Variants in RSPH9 observed in about 807,000 individuals in gnomAD.
RSPH9 encodes radial spoke head component 9, also known as radial spoke head protein 9 homolog.
Under a neutral mutation model 27.0 loss-of-function variants are expected in RSPH9, and 27 were observed. The ratio of observed to expected loss-of-function variants is 1.00; its 90% CI spans 0.74 to 1.38. The LOEUF (loss-of-function observed/expected upper bound fraction) is 1.38, where lower values mean the gene tolerates loss of function less well. RSPH9 is among the 40% of genes most tolerant of loss of function. The probability of loss-of-function intolerance (pLI) is 0.00; values close to 1 mark genes in which losing one functional copy is unlikely to be tolerated. For synonymous variants in RSPH9, 145 were observed against 147.7 expected, an observed-to-expected ratio of 0.98 and a Z score of 0.13; for missense variants, 347 against 357.4, an observed-to-expected ratio of 0.97 and a Z score of 0.24.
At chr6:43,664,895 C>T (rs111365999) in intron 4 of RSPH9, among the ~76,000 whole-genome samples, 7 of 152,296 alleles carry the variant, frequency 4.6e-5, no homozygotes, top group African/African-American at 1.2e-4. Flanking sequence ...GAGCCTGGAA[C>T]GGCGGTGGTG....
chr6:43,662,791 C>G (rs1772765307), intron 4 of RSPH9, among the ~76,000 whole-genome samples: 1 of 152,092 alleles, frequency 6.6e-6, no homozygotes, highest in South Asian at 2.1e-4. Flanking sequence ...CAGCCTATCT[C>G]AATTTTTTTT....
intron 4 of RSPH9, among the ~76,000 whole-genome samples, chr6:43,664,734 C>T (rs558884088): frequency 2.9e-4 from 44 of 152,274 alleles, no homozygotes; most frequent in African/African-American, 9.9e-4. Context: ...GGAGGGTCTC[C>T]GGACAAGTAG....
chr6:43,647,615 G>A (rs1443788702), intron 1 of RSPH9, among the ~76,000 whole-genome samples: 2 of 152,226 alleles, frequency 1.3e-5, no homozygotes, highest in Non-Finnish European at 2.9e-5. Flanking sequence ...CTCAGTAGGA[G>A]AGAATTCAGG....
chr6:43,671,792 G>A lies in RSPH9; in HGVS notation c.*843G>A, dbSNP rs1561948016. 2 of 1,614,220 alleles carry A rather than the reference G, an allele frequency of 1.2e-6. No individual in the cohort carries two copies. Among genetic ancestry groups the A allele is most frequent in the Non-Finnish European group, 8.5e-7 (1 of 1,180,030 alleles). ...GATACAGCTTCCAAGGTGTTCTTGA[G>A]TAGCAGACATTGTCCCTCAGAAGGG... On this transcript the variant is annotated 3_prime_UTR_variant, in exon 5 of 5. Coordinates refer to ENST00000372163, the MANE Select transcript of RSPH9 (RefSeq NM_152732.5).
intron 3 of RSPH9, 41 bp from the exon 4 acceptor site, chr6:43,656,526 CTGGGGGGTTT>C (rs747309731): frequency 1.9e-6 from 3 of 1,610,446 alleles, no homozygotes; most frequent in South Asian, 2.2e-5. Flanking sequence ...AGAAAGGGGG[CTGGGGGGTTT>C]TGGGCTAACC....
chr6:43,666,543 TGTCCC>T, intron 4 of RSPH9: 1 of 1,475,218 alleles, frequency 6.8e-7, no homozygotes, highest in South Asian at 1.2e-5. Context: ...CTCCGCATCT[TGTCCC>T]TTGGCCAAAG....
At chr6:43,655,406 TAGGA>T (rs1771899120) in intron 2 of RSPH9, among the ~76,000 whole-genome samples, 152 bp from the exon 3 acceptor site, 1 of 152,204 alleles carries the variant, frequency 6.6e-6, no homozygotes, top group South Asian at 2.1e-4. Flanking sequence ...AAAATCTTGA[TAGGA>T]AGGAAGGCGA....
At chr6:43,650,023 C>A (rs934750707) in intron 1 of RSPH9, among the ~76,000 whole-genome samples, 8 of 152,172 alleles carry the variant, frequency 5.3e-5, no homozygotes, top group African/African-American at 1.9e-4. Flanking sequence ...AAGCGATTCT[C>A]CTGCCTTAGC....
chr6:43,664,147 C>T (rs928743714), intron 4 of RSPH9, among the ~76,000 whole-genome samples: 6 of 151,892 alleles, frequency 4.0e-5, no homozygotes, highest in Non-Finnish European at 7.4e-5. Context: ...CACATGCAAA[C>T]CTTCAATTTA....
intron 4 of RSPH9, among the ~76,000 whole-genome samples, chr6:43,659,160 A>G (rs1323310683): frequency 1.3e-5 from 2 of 151,944 alleles, no homozygotes; most frequent in Non-Finnish European, 2.9e-5. Context: ...TCTTCAGGCT[A>G]CACTTCTGAA....
At chr6:43,645,416 C>A (rs958345658) in intron 1 of RSPH9, 91 bp downstream of exon 1, 13 of 1,097,152 alleles carry the variant, frequency 1.2e-5, no homozygotes, top group Non-Finnish European at 1.5e-5. Flanking sequence ...AGGGGCGGGG[C>A]CCATGGGGCC....
intron 4 of RSPH9, among the ~76,000 whole-genome samples, chr6:43,663,007 G>A (rs920313097): frequency 9.9e-5 from 15 of 151,256 alleles, no homozygotes; most frequent in African/African-American, 3.2e-4. Flanking sequence ...TGTGTTGCTC[G>A]GGCTGGTTTC....
At position 43,672,348 on chromosome 6, in the gene RSPH9, G is replaced by A; in HGVS notation, c.*1399G>A. ...CCCAACCTTCAGGGAACTCCCCAGG[G>A]TACTATAACTGGTATAAGACCCCTG... On this transcript the variant is annotated 3_prime_UTR_variant, in exon 5 of 5. Transcript: ENST00000372163. 2.1e-6 allele frequency: 1 copy of A among 472,782 alleles called. No homozygotes were observed. Among genetic ancestry groups the A allele is most frequent in the Non-Finnish European group, 4.4e-6 (1 of 227,964 alleles). 29.3% of individuals were successfully genotyped at this position (472,782 alleles called of 1,614,324 possible).
rs770015061 is a variant in RSPH9, at chr6:43,645,048, A to T, written c.-51A>T. 6.6e-7 allele frequency: 1 copy of T among 1,510,382 alleles called. No individual in the cohort carries two copies. Among genetic ancestry groups the T allele is most frequent in the South Asian group, 1.1e-5 (1 of 88,858 alleles). The allele number at this position is 1,510,382 out of a possible 1,614,324, so 93.6% of individuals were successfully genotyped here. On this transcript the variant is annotated 5_prime_UTR_variant, in exon 1 of 5. Transcript: ENST00000372163. ...AGGGCGGAGCTTCAGGTCTCCATGG[A>T]GGCGGCTTCTCCTAGCAACTCGACG...
At chr6:43,653,586 AAGCACAGCTG>A in intron 2 of RSPH9, among the ~76,000 whole-genome samples, 1 of 152,316 alleles carries the variant, frequency 6.6e-6, no homozygotes, top group East Asian at 1.9e-4. Flanking sequence ...CCAGAATTCA[AAGCACAGCTG>A]TTGCACTTGA....
chr6:43,645,144 A>C lies in RSPH9; in HGVS notation c.46A>C (p.Ser16Arg). 1 of 1,613,378 alleles carries C rather than the reference A, an allele frequency of 6.2e-7. No individual in the cohort carries two copies. The highest frequency in any genetic ancestry group is 8.5e-7 in the Non-Finnish European group (1 of 1,179,988). The change falls in exon 1 of 5, where the codon AGT (serine) becomes CGT (arginine). Residue 16 changes from serine to arginine, a missense_variant. By Grantham distance (110) the Ser-to-Arg change is moderately radical (BLOSUM62 -1). Transcript: ENST00000372163. ...LLLSLELASG[S>R]GQGLSPDRRA... ...GCTGTCTCTGGAGCTGGCGTCCGGC[A>C]GTGGGCAGGGCCTCAGCCCGGACCG...
chr6:43,652,162 C>T (rs1002751600), intron 2 of RSPH9, among the ~76,000 whole-genome samples: 30 of 151,198 alleles, frequency 2.0e-4, no homozygotes, highest in East Asian at 2.1e-4. Flanking sequence ...AAAAATTAGC[C>T]GGGTGTGGTG....
Position 43,645,037 on chromosome 6 carries a change from G to A in RSPH9, c.-62G>A. ...AGCTAGGCGGAAGGGCGGAGCTTCA[G>A]GTCTCCATGGAGGCGGCTTCTCCTA... On this transcript the variant is annotated 5_prime_UTR_variant, in exon 1 of 5. Transcript: ENST00000372163. 7.0e-7 allele frequency: 1 copy of A among 1,434,166 alleles called. No individual in the cohort carries two copies. The highest frequency in any genetic ancestry group is 9.7e-7 in the Non-Finnish European group (1 of 1,030,294). The allele number at this position is 1,434,166 out of a possible 1,614,324, so 88.8% of individuals were successfully genotyped here.
rs189493754 is a variant in RSPH9, at chr6:43,645,248, C to G, written c.150C>G (p.Ile50Met). ...ATCGGGTTCTCTTCTGGGGCCGCATCCTTGGCCTCGTCGCCGATTACTACA... is the reference window on the plus strand; with the variant it reads ...ATCGGGTTCTCTTCTGGGGCCGCATGCTTGGCCTCGTCGCCGATTACTACA... ...RYDRVLFWGR[I>M]LGLVADYYIA... The change falls in exon 1 of 5, where the codon ATC becomes ATG. Residue 50 changes from isoleucine (I) to methionine (M), a missense_variant. Coordinates refer to ENST00000372163, the MANE Select transcript of RSPH9 (RefSeq NM_152732.5). The G allele has an allele frequency of 1.2e-6, 2 of 1,614,080 alleles. No homozygotes were observed. The highest frequency in any genetic ancestry group is 1.7e-6 in the Non-Finnish European group (2 of 1,180,010).
Sources: allele counts gnomAD v4.1 joint callset (sites outside exome capture counted in the v4.1 genomes callset), GRCh38; gene constraint gnomAD v4.1.1; transcripts MANE v1.5; gene names NCBI Gene and HGNC (gene_info 2026-07-23, HGNC 2026-07-21).